ZC3H12B: variants seen among roughly 807,000 people sequenced by gnomAD.
ZC3H12B encodes the protein probable ribonuclease ZC3H12B.
ZC3H12B carries 7 observed loss-of-function variants against 43.9 expected under a neutral mutation model. The observed-to-expected ratio is 0.16, with a 90% CI of 0.09 to 0.30. The LOEUF (loss-of-function observed/expected upper bound fraction) is 0.30, where lower values mean the gene tolerates loss of function less well. Ranked by LOEUF, ZC3H12B falls within the 10% of genes least tolerant of loss-of-function variation. The probability of loss-of-function intolerance (pLI) is 1.00; values close to 1 mark genes in which losing one functional copy is unlikely to be tolerated. For missense variants in ZC3H12B, 475 were observed against 670.2 expected (o/e 0.71, Z 3.22); for synonymous variants, 222 against 241.7 (o/e 0.92, Z 0.76).
At chrX:65,316,960 A>T in the ZC3H12B span, among the ~76,000 whole-genome samples, 24 of 111,755 alleles carry the variant, frequency 2.1e-4, no homozygotes, top group Non-Finnish European at 3.4e-4. Flanking sequence ...AAATCTACAG[A>T]GCAAATGGAA....
At chrX:65,387,968 C>T (rs1304920331) in intron 2 of ZC3H12B, among the ~76,000 whole-genome samples, 1 of 111,637 alleles carries the variant, frequency 9.0e-6, no homozygotes, top group African/African-American at 3.3e-5. Context: ...GAATATTGGC[C>T]CCCACTCTCT....
the ZC3H12B span, among the ~76,000 whole-genome samples, chrX:65,236,734 G>A: frequency 2.6e-4 from 29 of 112,066 alleles, no homozygotes; most frequent in South Asian, 7.3e-4. Flanking sequence ...TAAGATGTTA[G>A]GAAGGCTTAC....
intron 3 of ZC3H12B, among the ~76,000 whole-genome samples, chrX:65,416,457 T>C (rs2066960994): frequency 9.0e-6 from 1 of 110,569 alleles, no homozygotes; most frequent in Non-Finnish European, 1.9e-5. Flanking sequence ...CCCAGAACAG[T>C]AGCATCAACA....
chrX:65,367,754 C>T (rs193016895), intron 1 of ZC3H12B, among the ~76,000 whole-genome samples: 3 of 110,217 alleles, frequency 2.7e-5, no homozygotes, highest in African/African-American at 6.6e-5. Flanking sequence ...CTTGACACAC[C>T]CTTAGGAGGT....
the ZC3H12B span, among the ~76,000 whole-genome samples, chrX:65,153,345 G>T: frequency 9.0e-6 from 1 of 111,002 alleles, no homozygotes; most frequent in Non-Finnish European, 1.9e-5. Context: ...CTGACAAAGG[G>T]CTAATATCCA....
the ZC3H12B span, among the ~76,000 whole-genome samples, chrX:65,167,907 G>A: frequency 8.9e-6 from 1 of 112,278 alleles, no homozygotes; most frequent in African/African-American, 3.2e-5. Context: ...CTTTCCTGAA[G>A]TTGCTTATCA....
chrX:65,418,749 C>T (rs777518789), intron 3 of ZC3H12B, among the ~76,000 whole-genome samples: 58 of 111,774 alleles, frequency 5.2e-4, no homozygotes, highest in African/African-American at 1.9e-3. Context: ...GAAAACTAAG[C>T]GACATGGCCC....
At chrX:65,049,232 A>G in the ZC3H12B span, among the ~76,000 whole-genome samples, 1 of 111,096 alleles carries the variant, frequency 9.0e-6, no homozygotes, top group African/African-American at 3.3e-5. Flanking sequence ...GTCTTATCCA[A>G]AAAATCATTC....
chrX:65,411,109 TG>T (rs1460081447), intron 3 of ZC3H12B, among the ~76,000 whole-genome samples: 1 of 112,099 alleles, frequency 8.9e-6, no homozygotes, highest in Non-Finnish European at 1.9e-5. Flanking sequence ...ATACACACAA[TG>T]GAGTACTACT....
the ZC3H12B span, among the ~76,000 whole-genome samples, chrX:65,060,747 C>A: frequency 3.6e-5 from 4 of 112,249 alleles, no homozygotes; most frequent in African/African-American, 1.3e-4. Context: ...GACATTTATG[C>A]AGCCAACAAA....
chrX:65,226,803 A>G, the ZC3H12B span, among the ~76,000 whole-genome samples: 1 of 111,935 alleles, frequency 8.9e-6, no homozygotes, highest in Non-Finnish European at 1.9e-5. Flanking sequence ...ACATAATGGT[A>G]AAGGGATCAA....
At chrX:65,282,524 C>A in the ZC3H12B span, among the ~76,000 whole-genome samples, 1 of 110,668 alleles carries the variant, frequency 9.0e-6, no homozygotes, top group South Asian at 3.8e-4. Flanking sequence ...TTCAAAAAAG[C>A]AATGAATCAA....
At chrX:65,325,747 C>A in the ZC3H12B span, among the ~76,000 whole-genome samples, 76 of 111,101 alleles carry the variant, frequency 6.8e-4, no homozygotes, top group African/African-American at 2.3e-3. Context: ...CTAAAATATC[C>A]AATTTTTAAG....
At chrX:65,295,546 A>G in the ZC3H12B span, among the ~76,000 whole-genome samples, 2 of 111,699 alleles carry the variant, frequency 1.8e-5, no homozygotes, top group African/African-American at 6.5e-5. Flanking sequence ...AAGAAGAGTC[A>G]TAACACAGAT....
chrX:65,327,528 TG>T, the ZC3H12B span, among the ~76,000 whole-genome samples: 32 of 111,341 alleles, frequency 2.9e-4, no homozygotes, highest in Non-Finnish European at 5.3e-4. Flanking sequence ...AAGAAAAACA[TG>T]GATGACTTGC....
chrX:65,411,098 C>T (rs1484580064), intron 3 of ZC3H12B, among the ~76,000 whole-genome samples: 1 of 112,188 alleles, frequency 8.9e-6, no homozygotes, highest in Non-Finnish European at 1.9e-5. Context: ...AAATGTGGTG[C>T]ATACACACAA....
At chrX:65,207,680 G>A in the ZC3H12B span, among the ~76,000 whole-genome samples, 1 of 98,000 alleles carries the variant, frequency 1.0e-5, no homozygotes, top group Non-Finnish European at 2.0e-5. Context: ...GGTTCCATAT[G>A]AACTTTAAAG....
chrX:65,233,623 C>T, the ZC3H12B span, among the ~76,000 whole-genome samples: 2 of 108,719 alleles, frequency 1.8e-5, no homozygotes. Context: ...ACATTTATAA[C>T]AATAAACATC....
intron 2 of ZC3H12B, among the ~76,000 whole-genome samples, chrX:65,392,242 G>A (rs777421442): frequency 9.9e-5 from 11 of 111,361 alleles, no homozygotes; most frequent in African/African-American, 3.6e-4. Flanking sequence ...TGGGATGTGA[G>A]GAGCCCCTCT....
Sources: allele counts gnomAD v4.1 joint callset (sites outside exome capture counted in the v4.1 genomes callset), GRCh38; gene constraint gnomAD v4.1.1; transcripts MANE v1.5; gene names NCBI Gene and HGNC (gene_info 2026-07-23, HGNC 2026-07-21).